Variants in PCCA observed in about 807,000 individuals in gnomAD.
The protein encoded by PCCA is propionyl-CoA carboxylase subunit alpha.
A neutral mutation model predicts 101.3 loss-of-function variants in PCCA; 74 were observed. The ratio of observed to expected loss-of-function variants is 0.73; its 90% CI spans 0.61 to 0.89. The LOEUF (loss-of-function observed/expected upper bound fraction) is 0.89. PCCA is among the 40% of genes least tolerant of loss of function. The pLI is 0.00. For missense variants in PCCA, 891 were observed against 907.0 expected, an observed-to-expected ratio of 0.98 and a Z score of 0.23; for synonymous variants, 294 against 313.6, an observed-to-expected ratio of 0.94 and a Z score of 0.66.
chr13:100,368,389 G>T, intron 18 of PCCA, 83 bp from the exon 19 acceptor site: 1 of 789,642 alleles, frequency 1.3e-6, no homozygotes. Context: ...TTTAGCCTGT[G>T]CATTTTATAT....
At chr13:100,284,766 C>T (rs1052711301) in intron 12 of PCCA, among the ~76,000 whole-genome samples, 23 of 152,220 alleles carry the variant, frequency 1.5e-4, no homozygotes, top group Non-Finnish European at 2.8e-4. Context: ...ATTCCCAGTT[C>T]CTCTTTGCCT....
At chr13:100,376,773 C>T (rs1353141645) in intron 19 of PCCA, among the ~76,000 whole-genome samples, 1 of 152,194 alleles carries the variant, frequency 6.6e-6, no homozygotes, top group African/African-American at 2.4e-5. Context: ...AGCAAGACCA[C>T]TTGGCTCCTT....
intron 4 of PCCA, chr13:100,150,767 C>T: frequency 6.3e-7 from 1 of 1,588,724 alleles, no homozygotes; most frequent in Non-Finnish European, 8.6e-7. Flanking sequence ...CAAAGCCCCA[C>T]AGTGGCGTCC....
At chr13:100,414,765 G>A (rs1237074597) in intron 19 of PCCA, among the ~76,000 whole-genome samples, 1 of 152,106 alleles carries the variant, frequency 6.6e-6, no homozygotes. Flanking sequence ...AATGGGGAAT[G>A]GGATATACAT....
rs575615913 is a variant in PCCA, at chr13:100,462,077, A to G, written c.1899+12772A>G. On this transcript the variant is annotated intron_variant, in intron 21 of 23. Transcript: ENST00000376285. ...TTCAGATATATTTTACAGTGCTAAG[A>G]AAATCTATAGCATTCCTTCCTGCAT... Among the ~76,000 whole-genome samples the G allele has an allele frequency of 1.4e-3, 215 of 152,278 alleles. 1 individual carries two copies. The highest frequency in any genetic ancestry group is 4.9e-3 in the African/African-American group (202 of 41,570).
intron 12 of PCCA, among the ~76,000 whole-genome samples, chr13:100,282,820 C>T (rs1003960765): frequency 6.6e-6 from 1 of 152,110 alleles, no homozygotes; most frequent in African/African-American, 2.4e-5. Flanking sequence ...CAATTTACAT[C>T]CCACAGGAGG....
At chr13:100,119,099 G>C (rs2049111291) in intron 4 of PCCA, among the ~76,000 whole-genome samples, 3 of 152,040 alleles carry the variant, frequency 2.0e-5, no homozygotes, top group African/African-American at 7.2e-5. Flanking sequence ...GATTACTTTG[G>C]TTACATTTGT....
At chr13:100,493,775 C>T (rs960227765) in intron 21 of PCCA, among the ~76,000 whole-genome samples, 11 of 152,166 alleles carry the variant, frequency 7.2e-5, no homozygotes, top group African/African-American at 2.2e-4. Context: ...TGTTTCAGTC[C>T]GTGCCCGGTG....
At chr13:100,184,143 A>T (rs887861448) in intron 6 of PCCA, among the ~76,000 whole-genome samples, 2 of 152,206 alleles carry the variant, frequency 1.3e-5, no homozygotes, top group Non-Finnish European at 2.9e-5. Flanking sequence ...GGCACGTCTT[A>T]CATGAACAGA....
intron 9 of PCCA, among the ~76,000 whole-genome samples, chr13:100,258,923 G>T (rs891772662): frequency 2.0e-5 from 3 of 152,120 alleles, no homozygotes; most frequent in South Asian, 2.1e-4. Context: ...ATCAACACAG[G>T]CGTGCCTATT....
intron 20 of PCCA, among the ~76,000 whole-genome samples, chr13:100,443,104 A>G (rs2080499573): frequency 6.6e-6 from 1 of 152,114 alleles, no homozygotes; most frequent in South Asian, 2.1e-4. Flanking sequence ...AGAGACAGAG[A>G]AATCATTGAT....
At chr13:100,337,686 A>G (rs960907677) in intron 17 of PCCA, among the ~76,000 whole-genome samples, 1 of 152,182 alleles carries the variant, frequency 6.6e-6, no homozygotes, top group African/African-American at 2.4e-5. Flanking sequence ...CTCTCTCAAT[A>G]TTGCCTGAGT....
chr13:100,298,649 TC>T (rs1273825195), intron 12 of PCCA, among the ~76,000 whole-genome samples: 2 of 542 alleles, frequency 3.7e-3, no homozygotes, highest in African/African-American at 6.9e-3. Context: ...CCTCCCTCCC[TC>T]CCTCCCTCCC....
At position 100,273,213 on chromosome 13, in the gene PCCA, A is replaced by G; in HGVS notation, c.932A>G (p.Glu311Gly). ...ATATGTAGCATTTTTTTGGATGCGG[A>G]GACTCGAAGAGCGATGGGAGAACAA... ...EEAPSIFLDA[E>G]TRRAMGEQAV... The change falls in exon 12 of 24, where the codon GAG (glutamate) becomes GGG (glycine). Residue 311 changes from glutamate (E) to glycine (G), a missense_variant. Coordinates refer to ENST00000376285, the MANE Select transcript of PCCA (RefSeq NM_000282.4). 6.2e-7 allele frequency: 1 copy of G among 1,613,268 alleles called. No individual in the cohort carries two copies. The highest frequency in any genetic ancestry group is 8.5e-7 in the Non-Finnish European group (1 of 1,179,254).
intron 19 of PCCA, among the ~76,000 whole-genome samples, chr13:100,421,869 G>C (rs1029567114): frequency 6.6e-6 from 1 of 151,866 alleles, no homozygotes; most frequent in Non-Finnish European, 1.5e-5. Context: ...CTTTTTAGTT[G>C]AGACGAGGTT....
intron 7 of PCCA, among the ~76,000 whole-genome samples, chr13:100,218,347 T>G (rs2059633541): frequency 6.7e-6 from 1 of 149,758 alleles, no homozygotes; most frequent in Non-Finnish European, 1.5e-5. Context: ...ATGGGTTGTT[T>G]TTTTTTTTTT....
At chr13:100,335,985 G>A (rs750807949) in intron 17 of PCCA, among the ~76,000 whole-genome samples, 2 of 152,100 alleles carry the variant, frequency 1.3e-5, no homozygotes, top group African/African-American at 4.8e-5. Context: ...CACTGTGGCC[G>A]GGCACGGTGG....
chr13:100,430,057 C>T (rs1015502857), intron 20 of PCCA, among the ~76,000 whole-genome samples: 1 of 152,028 alleles, frequency 6.6e-6, no homozygotes, highest in Non-Finnish European at 1.5e-5. Context: ...AGGCAGATCA[C>T]CTGAGGTTCG....
intron 4 of PCCA, among the ~76,000 whole-genome samples, chr13:100,138,333 A>G (rs1423750911): frequency 6.6e-6 from 1 of 152,108 alleles, no homozygotes; most frequent in Admixed American, 6.5e-5. Flanking sequence ...TTGAAAATTC[A>G]TATTTTACCA....
Sources: allele counts gnomAD v4.1 joint callset (sites outside exome capture counted in the v4.1 genomes callset), GRCh38; gene constraint gnomAD v4.1.1; transcripts MANE v1.5; gene names NCBI Gene and HGNC (gene_info 2026-07-23, HGNC 2026-07-21).